The following AMBRA1 variants were observed in gnomAD, a reference collection of about 807,000 sequenced individuals.
AMBRA1 encodes the protein activating molecule in BECN1-regulated autophagy protein 1.
In AMBRA1, 47 loss-of-function variants were observed where a neutral mutation model predicts 125.4. The ratio of observed to expected loss-of-function variants is 0.37; its 90% confidence interval spans 0.30 to 0.48. The LOEUF (loss-of-function observed/expected upper bound fraction) is 0.48, where lower values mean the gene tolerates loss of function less well. Ranked by LOEUF, AMBRA1 falls within the 20% of genes least tolerant of loss-of-function variation. The pLI, the probability that AMBRA1 is intolerant of heterozygous loss-of-function variation, is 0.99. For missense variants in AMBRA1, 1,331 were observed against 1,693.4 expected, an observed-to-expected ratio of 0.79 and a Z score of 3.76; for synonymous variants, 626 against 655.5, an observed-to-expected ratio of 0.95 and a Z score of 0.69.
intron 11 of AMBRA1, among the ~76,000 whole-genome samples, chr11:46,480,931 C>A (rs1451740723): frequency 6.6e-6 from 1 of 152,194 alleles, no homozygotes; most frequent in East Asian, 1.9e-4. Flanking sequence ...TCTAACCCTT[C>A]ACTAGCCAAA....
chr11:46,456,648 T>C (rs2136816289), intron 11 of AMBRA1, among the ~76,000 whole-genome samples: 1 of 152,340 alleles, frequency 6.6e-6, no homozygotes, highest in Non-Finnish European at 1.5e-5. Flanking sequence ...CTTTTATTGT[T>C]TGGTGGAAGC....
intron 11 of AMBRA1, among the ~76,000 whole-genome samples, chr11:46,472,753 A>G (rs1949652090): frequency 6.6e-6 from 1 of 152,238 alleles, no homozygotes; most frequent in Admixed American, 6.5e-5. Context: ...AATCACTTAC[A>G]GTAAGACAAT....
At chr11:46,487,033 A>C (rs1044674954) in intron 11 of AMBRA1, among the ~76,000 whole-genome samples, 2 of 152,088 alleles carry the variant, frequency 1.3e-5, no homozygotes, top group African/African-American at 4.8e-5. Flanking sequence ...TGAGTGGGGC[A>C]GATCACTTGA....
intron 14 of AMBRA1, among the ~76,000 whole-genome samples, chr11:46,427,653 C>T (rs939297439): frequency 6.6e-6 from 1 of 152,096 alleles, no homozygotes; most frequent in African/African-American, 2.4e-5. Flanking sequence ...TGATGTGGTC[C>T]CCTGGGGGCA....
chr11:46,410,095 TTC>T (rs773449550), intron 16 of AMBRA1, among the ~76,000 whole-genome samples, 179 bp downstream of exon 16: 45 of 152,258 alleles, frequency 3.0e-4, no homozygotes, highest in South Asian at 1.4e-3. Context: ...AGAGCTTTTG[TTC>T]TCTTTCTTAG....
At chr11:46,486,124 T>C (rs1950259737) in intron 11 of AMBRA1, among the ~76,000 whole-genome samples, 1 of 152,196 alleles carries the variant, frequency 6.6e-6, no homozygotes, top group African/African-American at 2.4e-5. Context: ...AAAGCAGCAC[T>C]ACCAGTACCA....
chr11:46,539,493 G>C (rs1033837028), intron 7 of AMBRA1, among the ~76,000 whole-genome samples: 1 of 151,126 alleles, frequency 6.6e-6, no homozygotes, highest in Non-Finnish European at 1.5e-5. Context: ...GGAGATGGAG[G>C]TTGTGGTGAG....
chr11:46,424,439 C>T (rs549484103), intron 14 of AMBRA1, among the ~76,000 whole-genome samples: 2 of 152,340 alleles, frequency 1.3e-5, no homozygotes, highest in East Asian at 3.9e-4. Context: ...TGGCCCGCTG[C>T]TTTCCAAAGG....
At chr11:46,585,632 C>T (rs1308714185) in intron 1 of AMBRA1, among the ~76,000 whole-genome samples, 1 of 100,052 alleles carries the variant, frequency 1.0e-5, no homozygotes, top group Non-Finnish European at 1.9e-5. Flanking sequence ...CGCCACTGCA[C>T]TCCAGCCTGG....
intron 1 of AMBRA1, 56 bp downstream of exon 1, chr11:46,593,769 TCTC>T (rs950266414): frequency 3.1e-5 from 12 of 391,850 alleles, no homozygotes; most frequent in Admixed American, 8.9e-5. Context: ...GCCAAGGTCT[TCTC>T]AACCCCGCGG....
intron 1 of AMBRA1, among the ~76,000 whole-genome samples, chr11:46,572,844 A>G (rs1438373141): frequency 6.6e-6 from 1 of 152,178 alleles, no homozygotes; most frequent in African/African-American, 2.4e-5. Context: ...CTGTAATCAC[A>G]GCACTTTGGG....
At position 46,542,117 on chromosome 11, in the gene AMBRA1, A is replaced by C; in HGVS notation, c.1900T>G (p.Leu634Val). ...GQTPSSSRLELSSSASPQEER... is the reference protein window; with the variant it reads ...GQTPSSSRLEVSSSASPQEER... Reference sequence around the variant, plus strand: ...TCCTGCGGACTAGCAGAGCTGCTCAACTCCAGCCTGCTGGAGCTGGGCGTT... The same window carrying C: ...TCCTGCGGACTAGCAGAGCTGCTCACCTCCAGCCTGCTGGAGCTGGGCGTT... Residue 634 changes from leucine (L) to valine (V), a missense_variant, in exon 7 of 18, where the codon TTG becomes GTG. By Grantham distance (32) the Leu-to-Val change is conservative. Transcript: ENST00000683756. This position sits in a 1 kb window ranked among gnomAD's most constrained non-coding sequence, Gnocchi z 5.9. The C allele has an allele frequency of 1.2e-6, 2 of 1,613,778 alleles. No individual in the cohort carries two copies. Among genetic ancestry groups the C allele is most frequent in the Non-Finnish European group, 1.7e-6 (2 of 1,179,894 alleles).
intron 7 of AMBRA1, among the ~76,000 whole-genome samples, chr11:46,517,630 C>T (rs1340536115): frequency 6.7e-5 from 10 of 148,856 alleles, no homozygotes; most frequent in East Asian, 2.0e-4. Flanking sequence ...GTCAGGAGAT[C>T]GAGACCATCC....
intron 11 of AMBRA1, among the ~76,000 whole-genome samples, chr11:46,451,459 A>T (rs1432864065): frequency 1.3e-5 from 2 of 152,140 alleles, no homozygotes; most frequent in Admixed American, 1.3e-4. Flanking sequence ...AGAATTAGGA[A>T]TCTTTTTTCA....
chr11:46,464,237 G>A (rs935737274), intron 11 of AMBRA1, among the ~76,000 whole-genome samples: 1 of 152,180 alleles, frequency 6.6e-6, no homozygotes, highest in Non-Finnish European at 1.5e-5. Flanking sequence ...ATGTCATCAG[G>A]ACGCCCTGTG....
At chr11:46,465,669 G>A (rs1400700927) in intron 11 of AMBRA1, among the ~76,000 whole-genome samples, 1 of 152,060 alleles carries the variant, frequency 6.6e-6, no homozygotes, top group African/African-American at 2.4e-5. Context: ...ATTTACTTTT[G>A]GTTTTTCCTG....
At chr11:46,400,029 G>T in intron 17 of AMBRA1, among the ~76,000 whole-genome samples, 1 of 152,192 alleles carries the variant, frequency 6.6e-6, no homozygotes, top group Non-Finnish European at 1.5e-5. Flanking sequence ...CAGGCACTTG[G>T]TCAACGGTGC....
At chr11:46,442,964 C>T (rs180832817) in intron 12 of AMBRA1, among the ~76,000 whole-genome samples, 6 of 152,290 alleles carry the variant, frequency 3.9e-5, no homozygotes, top group Admixed American at 6.5e-5. Flanking sequence ...TCAAGTGATC[C>T]GCCTGCCTTG....
intron 14 of AMBRA1, among the ~76,000 whole-genome samples, chr11:46,418,606 T>C (rs1489318848): frequency 6.6e-6 from 1 of 151,808 alleles, no homozygotes; most frequent in Non-Finnish European, 1.5e-5. Context: ...TGTGTCCAAG[T>C]GTTCTCATTG....
Sources: allele counts gnomAD v4.1 joint callset (sites outside exome capture counted in the v4.1 genomes callset), GRCh38; gene constraint gnomAD v4.1.1; non-coding constraint Gnocchi (gnomAD v3.1); transcripts MANE v1.5; gene names NCBI Gene and HGNC (gene_info 2026-07-23, HGNC 2026-07-21).